Variants in TRAPPC9 observed in about 807,000 individuals in gnomAD.
TRAPPC9 encodes IKK2 binding protein.
Under a neutral mutation model 124.0 loss-of-function variants are expected in TRAPPC9, and 83 were observed. That is an observed-to-expected ratio of 0.67 (90% CI 0.56 to 0.80). The LOEUF is 0.80. TRAPPC9 is among the 30% of genes least tolerant of loss of function. TRAPPC9 has a pLI of 0.00. For missense variants in TRAPPC9, 1,302 were observed against 1,508.3 expected (o/e 0.86, Z 2.27); for synonymous variants, 638 against 617.5 (o/e 1.03, Z -0.49).
At chr8:140,207,471 C>T (rs1563845941) in intron 17 of TRAPPC9, among the ~76,000 whole-genome samples, 1 of 152,226 alleles carries the variant, frequency 6.6e-6, no homozygotes, top group Non-Finnish European at 1.5e-5. Flanking sequence ...GCAAATCTAA[C>T]ACAATTTTCC....
chr8:140,327,689 T>C (rs1291216025), intron 9 of TRAPPC9, among the ~76,000 whole-genome samples: 2 of 152,208 alleles, frequency 1.3e-5, no homozygotes, highest in African/African-American at 4.8e-5. Context: ...TCCACTTATA[T>C]GAGGTACCTA....
chr8:139,892,626 T>C, intron 20 of TRAPPC9, among the ~76,000 whole-genome samples: 1 of 152,318 alleles, frequency 6.6e-6, no homozygotes, highest in Non-Finnish European at 1.5e-5. Flanking sequence ...TCTTGGAAAC[T>C]GTACAGTGTA....
Position 140,257,700 on chromosome 8 carries a change from T to A in TRAPPC9, c.2279-4771A>T, listed in dbSNP as rs1269287545. Among the ~76,000 whole-genome samples the A allele has an allele frequency of 6.6e-6, 1 of 152,224 alleles. No individual in the cohort carries two copies. Among genetic ancestry groups the A allele is most frequent in the African/African-American group, 2.4e-5 (1 of 41,452 alleles). On this transcript the variant is annotated intron_variant, in intron 15 of 22. Transcript: ENST00000438773. The surrounding 1 kb of genome is among the most constrained non-coding windows in gnomAD (Gnocchi z 4.6). ...AATGTCTTCCCCTACCTTCTCTGCCTGGCTGGATTTTCTAGAGCTTTTTAA... is the reference window on the plus strand; with the variant it reads ...AATGTCTTCCCCTACCTTCTCTGCCAGGCTGGATTTTCTAGAGCTTTTTAA...
chr8:139,838,533 G>A (rs1826508423), intron 21 of TRAPPC9, among the ~76,000 whole-genome samples: 1 of 152,204 alleles, frequency 6.6e-6, no homozygotes, highest in South Asian at 2.1e-4. Flanking sequence ...TTCATGGGCT[G>A]CTCGGAGCCC....
chr8:139,811,635 G>A (rs980547942), intron 21 of TRAPPC9, among the ~76,000 whole-genome samples: 110 of 152,242 alleles, frequency 7.2e-4, no homozygotes, highest in African/African-American at 2.4e-3. Flanking sequence ...CTTCTCAATA[G>A]GGTGGAGGGA....
intron 20 of TRAPPC9, among the ~76,000 whole-genome samples, chr8:139,908,294 G>T (rs887337580): frequency 6.6e-6 from 1 of 152,154 alleles, no homozygotes; most frequent in South Asian, 2.1e-4. Context: ...GCTGAGCTGG[G>T]GCTGCATCAG....
intron 19 of TRAPPC9, among the ~76,000 whole-genome samples, chr8:139,934,325 C>G (rs1833381033): frequency 6.6e-6 from 1 of 152,152 alleles, no homozygotes; most frequent in Non-Finnish European, 1.5e-5. Context: ...TAGCTGTACG[C>G]ACAGCAGGAG....
chr8:140,007,748 C>CA (rs1239889575), intron 18 of TRAPPC9, among the ~76,000 whole-genome samples: 5 of 151,968 alleles, frequency 3.3e-5, no homozygotes, highest in African/African-American at 1.2e-4. Context: ...CTTATCAATA[C>CA]AAAATCTTTA....
chr8:139,808,506 C>G (rs917424649), intron 21 of TRAPPC9, among the ~76,000 whole-genome samples: 1 of 152,152 alleles, frequency 6.6e-6, no homozygotes, highest in Non-Finnish European at 1.5e-5. Flanking sequence ...TATATCACAA[C>G]CATCAGCATT....
chr8:139,865,275 T>G (rs983041946), intron 21 of TRAPPC9, among the ~76,000 whole-genome samples: 1 of 152,214 alleles, frequency 6.6e-6, no homozygotes, highest in African/African-American at 2.4e-5. Flanking sequence ...TGCGTTCTGG[T>G]CTGGCAGAAG....
chr8:140,049,473 G>T (rs75039753), intron 17 of TRAPPC9, among the ~76,000 whole-genome samples: 2,482 of 152,150 alleles, frequency 0.016, 68 homozygotes, highest in African/African-American at 0.057. Flanking sequence ...TGTGGACACT[G>T]CGGGAAGAGC....
intron 10 of TRAPPC9, 58 bp downstream of exon 10, chr8:140,311,190 C>CT: frequency 6.3e-7 from 1 of 1,590,052 alleles, no homozygotes; most frequent in Non-Finnish European, 8.6e-7. Context: ...CACAATCAGA[C>CT]TAGAGGACGG....
At chr8:140,128,920 T>A (rs975465139) in intron 17 of TRAPPC9, among the ~76,000 whole-genome samples, 3 of 151,202 alleles carry the variant, frequency 2.0e-5, no homozygotes, top group Non-Finnish European at 4.4e-5. Flanking sequence ...TCTCACATAT[T>A]TAACAAACCT....
At chr8:140,218,070 T>C (rs1339937744) in intron 17 of TRAPPC9, among the ~76,000 whole-genome samples, 2 of 149,658 alleles carry the variant, frequency 1.3e-5, no homozygotes, top group African/African-American at 4.9e-5. Flanking sequence ...AGTGCTCAGA[T>C]AAAAGCGTGC....
chr8:140,286,763 G>A (rs990782519), intron 13 of TRAPPC9, among the ~76,000 whole-genome samples: 6 of 152,152 alleles, frequency 3.9e-5, no homozygotes, highest in Non-Finnish European at 1.5e-5. Context: ...GGAAGGGCTG[G>A]AGGTGCAGGC....
chr8:139,798,346 A>G (rs146899981), intron 21 of TRAPPC9, among the ~76,000 whole-genome samples: 32 of 152,324 alleles, frequency 2.1e-4, no homozygotes, highest in Admixed American at 1.8e-3. Flanking sequence ...ATTTTTGTAT[A>G]CCAATCTTGC....
At chr8:140,085,290 T>C (rs1844113045) in intron 17 of TRAPPC9, among the ~76,000 whole-genome samples, 1 of 151,694 alleles carries the variant, frequency 6.6e-6, no homozygotes, top group Non-Finnish European at 1.5e-5. Flanking sequence ...TATTTTACAC[T>C]TTGGGTTCCT....
At chr8:139,932,733 C>T (rs1032239568) in intron 19 of TRAPPC9, 1 of 356,868 alleles carries the variant, frequency 2.8e-6, no homozygotes, top group South Asian at 2.1e-5. Context: ...CTCTGCACTG[C>T]AGCCTGGGCA....
intron 2 of TRAPPC9, among the ~76,000 whole-genome samples, chr8:140,449,935 T>C (rs567833680): frequency 1.3e-5 from 2 of 152,234 alleles, no homozygotes; most frequent in African/African-American, 4.8e-5. Flanking sequence ...CGTAAGTACA[T>C]TTCAGTTTCT....
Sources: allele counts gnomAD v4.1 joint callset (sites outside exome capture counted in the v4.1 genomes callset), GRCh38; gene constraint gnomAD v4.1.1; non-coding constraint Gnocchi (gnomAD v3.1); transcripts MANE v1.5; gene names NCBI Gene and HGNC (gene_info 2026-07-23, HGNC 2026-07-21).